COL19A1: variants seen among roughly 807,000 people sequenced by gnomAD.
COL19A1 encodes collagen type XIX alpha 1 chain.
Under a neutral mutation model 190.2 loss-of-function variants are expected in COL19A1, and 159 were observed. The ratio of observed to expected loss-of-function variants is 0.84; its 90% CI spans 0.73 to 0.95. The LOEUF (loss-of-function observed/expected upper bound fraction) is 0.95, where lower values mean the gene tolerates loss of function less well. COL19A1 is among the 40% of genes least tolerant of loss of function. The pLI is 0.00. For missense variants in COL19A1, 1,418 were observed against 1,431.9 expected (o/e 0.99, Z 0.16); for synonymous variants, 509 against 458.9 (o/e 1.11, Z -1.39).
intron 11 of COL19A1, among the ~76,000 whole-genome samples, chr6:69,981,058 G>C (rs893813610): frequency 6.6e-6 from 1 of 152,156 alleles, no homozygotes; most frequent in African/African-American, 2.4e-5. Flanking sequence ...AGTGGTATAA[G>C]CTTTAATACA....
intron 15 of COL19A1, 30 bp downstream of exon 15, chr6:70,068,506 T>G (rs1781379021): frequency 2.1e-6 from 3 of 1,446,434 alleles, no homozygotes; most frequent in Non-Finnish European, 2.9e-6. Flanking sequence ...CTGGTGGGCA[T>G]TACTAACTTA....
In COL19A1 at chr6:70,156,478, A is replaced by G. The variant is rs767742687; in HGVS notation, c.2238+109A>G. 4.9e-4 allele frequency: 463 copies of G among 952,838 alleles called. 1 individual carries two copies. The highest frequency in any genetic ancestry group is 6.9e-4 in the Non-Finnish European group (441 of 636,186). 59.0% of individuals were successfully genotyped at this position (952,838 alleles called of 1,614,324 possible). ...TTTAAAATACATACTATATATATAT[A>G]TGTATGTATGTATATGGAGAGAGAG... On this transcript the variant is annotated intron_variant, in intron 33 of 50. Coordinates refer to ENST00000620364, the MANE Select transcript of COL19A1 (RefSeq NM_001858.6).
At chr6:69,914,141 C>T (rs571448850) in intron 4 of COL19A1, among the ~76,000 whole-genome samples, 1 of 152,238 alleles carries the variant, frequency 6.6e-6, no homozygotes, top group South Asian at 2.1e-4. Context: ...TAGTGCTAAT[C>T]AGATCAGGCG....
intron 41 of COL19A1, among the ~76,000 whole-genome samples, chr6:70,174,184 T>C (rs1454280908): frequency 6.6e-6 from 1 of 152,132 alleles, no homozygotes; most frequent in Non-Finnish European, 1.5e-5. Flanking sequence ...AGGTCCATAG[T>C]TCAGGGACCA....
intron 49 of COL19A1, among the ~76,000 whole-genome samples, chr6:70,200,230 T>C (rs1767465990): frequency 6.6e-6 from 1 of 152,230 alleles, no homozygotes; most frequent in Non-Finnish European, 1.5e-5. Flanking sequence ...ATACAGCTTG[T>C]GGATGGTAAC....
chr6:70,079,792 G>A (rs560499360), intron 15 of COL19A1, among the ~76,000 whole-genome samples: 3 of 152,310 alleles, frequency 2.0e-5, no homozygotes, highest in Non-Finnish European at 2.9e-5. Context: ...CTCAAAAGCT[G>A]AGGTGTAAAG....
intron 11 of COL19A1, among the ~76,000 whole-genome samples, chr6:69,987,823 A>G (rs141907765): frequency 2.1e-3 from 327 of 152,296 alleles, no homozygotes; most frequent in African/African-American, 7.7e-3. Flanking sequence ...AGTTCTTAAT[A>G]CCAGAAAATT....
intron 9 of COL19A1, 50 bp downstream of exon 9, chr6:69,938,150 T>C: frequency 6.4e-7 from 1 of 1,558,184 alleles, no homozygotes. Context: ...TGTTAAAAAA[T>C]GACTTAAAAA....
intron 11 of COL19A1, among the ~76,000 whole-genome samples, chr6:70,007,385 C>T (rs866441752): frequency 6.6e-6 from 1 of 151,870 alleles, no homozygotes; most frequent in African/African-American, 2.4e-5. Flanking sequence ...AGGATATATA[C>T]AAAGATGTAC....
At position 69,962,748 on chromosome 6, in the gene COL19A1, CAT is replaced by C. The variant is rs1774875879; in HGVS notation, c.982-76_982-75del. The C allele has an allele frequency of 4.0e-6, 4 of 1,006,344 alleles. No individual in the cohort carries two copies. In the African/African-American group the frequency reaches 5.0e-5, roughly 13 times the overall value. The allele number at this position is 1,006,344 out of a possible 1,614,324, so 62.3% of individuals were successfully genotyped here. Reference sequence around the variant, plus strand: ...ATTACTGATTTTTCATTGTTTGAAACATAATTTTTATTGTAAAAATTGCATGT... The same window carrying C: ...ATTACTGATTTTTCATTGTTTGAAACAATTTTTATTGTAAAAATTGCATGT... On this transcript the variant is annotated intron_variant, in intron 10 of 50. Coordinates refer to ENST00000620364, the MANE Select transcript of COL19A1 (RefSeq NM_001858.6).
rs191141430 is a variant in COL19A1 at position 69,939,374 on chromosome 6, T to C, written c.936+1274T>C. On this transcript the variant is annotated intron_variant, in intron 9 of 50. Coordinates refer to ENST00000620364, the MANE Select transcript of COL19A1 (RefSeq NM_001858.6). ...GAAGAATGTTTTAGATATGTTATCA[T>C]ACTTGATCCTTACACTCACTCTTCA... Among the ~76,000 whole-genome samples, 31 of 152,222 alleles carry C rather than the reference T, an allele frequency of 2.0e-4. No individual in the cohort carries two copies. In the East Asian group the frequency reaches 4.4e-3, roughly 22 times the overall value.
At chr6:70,136,388 G>A (rs1029306522) in intron 18 of COL19A1, among the ~76,000 whole-genome samples, 1 of 152,168 alleles carries the variant, frequency 6.6e-6, no homozygotes, top group African/African-American at 2.4e-5. Flanking sequence ...TACAATCAAA[G>A]TGCCCATCGG....
rs1355982158 is a variant in COL19A1, at chr6:69,986,250, TATAC to T, written c.1026+23382_1026+23385del. Among the ~76,000 whole-genome samples the T allele has an allele frequency of 4.0e-3, 465 of 116,384 alleles. 3 individuals are homozygous for T. Among genetic ancestry groups the T allele is most frequent in the African/African-American group, 0.016 (434 of 27,646 alleles). 76.4% of individuals were successfully genotyped at this position (116,384 alleles called of 152,430 possible). The stretch of plus-strand genomic sequence containing the variant: ...ATATATATATATATATATATATATA[TATAC>T]ACACACACATATATATATATTAATC... On this transcript the variant is annotated intron_variant, in intron 11 of 50. Coordinates refer to ENST00000620364, the MANE Select transcript of COL19A1 (RefSeq NM_001858.6).
intron 2 of COL19A1, among the ~76,000 whole-genome samples, chr6:69,893,962 C>T (rs1012424795): frequency 3.3e-5 from 5 of 152,056 alleles, no homozygotes; most frequent in Admixed American, 2.6e-4. Flanking sequence ...GCACCACCCC[C>T]GCCCCCCACT....
intron 49 of COL19A1, among the ~76,000 whole-genome samples, chr6:70,206,475 A>G (rs9294861): frequency 0.056 from 8,469 of 151,732 alleles, 438 homozygotes; most frequent in African/African-American, 0.13. Flanking sequence ...CTAAAAATAC[A>G]AAAAAAATAG....
At chr6:70,147,444 G>A (rs1357111903) in intron 27 of COL19A1, among the ~76,000 whole-genome samples, 1 of 152,042 alleles carries the variant, frequency 6.6e-6, no homozygotes, top group Non-Finnish European at 1.5e-5. Context: ...ATCCACACTT[G>A]TAGATCAAAT....
intron 2 of COL19A1, among the ~76,000 whole-genome samples, chr6:69,887,221 A>G (rs1769004710): frequency 6.6e-6 from 1 of 152,184 alleles, no homozygotes; most frequent in Non-Finnish European, 1.5e-5. Context: ...CTATCTTGAG[A>G]CTTGTTTTGC....
At chr6:70,156,603 A>AT (rs1207236661) in intron 33 of COL19A1, 67 bp from the exon 34 acceptor site, 5 of 1,538,978 alleles carry the variant, frequency 3.2e-6, no homozygotes, top group Non-Finnish European at 4.5e-6. Flanking sequence ...CTTAGAAGAG[A>AT]TTTTTTTCAT....
chr6:70,197,958 C>A (rs1341709516), intron 48 of COL19A1, among the ~76,000 whole-genome samples: 4 of 152,138 alleles, frequency 2.6e-5, no homozygotes, highest in Admixed American at 2.0e-4. Flanking sequence ...TCTTTCTTAA[C>A]CAGTATGGGC....
Sources: gnomAD v4.1 joint callset for allele counts (sites outside exome capture counted in the v4.1 genomes callset) on GRCh38, gnomAD v4.1.1 for gene constraint, MANE v1.5 for transcripts, NCBI Gene and HGNC (gene_info 2026-07-23, HGNC 2026-07-21) for gene names.